The following MCUB variants were observed in gnomAD, a reference collection of about 807,000 sequenced individuals.
The protein encoded by MCUB is calcium uniporter regulatory subunit MCUb, mitochondrial.
A neutral mutation model predicts 41.4 loss-of-function variants in MCUB; 46 were observed. That is an observed-to-expected ratio of 1.11 (90% CI 0.88 to 1.42). The LOEUF (loss-of-function observed/expected upper bound fraction) is 1.42. MCUB is among the 40% of genes most tolerant of loss of function. The pLI is 0.00. For missense variants in MCUB, 403 were observed against 404.9 expected, an observed-to-expected ratio of 1.00 and a Z score of 0.04; for synonymous variants, 148 against 148.2, an observed-to-expected ratio of 1.00 and a Z score of 0.01.
intron 1 of MCUB, among the ~76,000 whole-genome samples, chr4:109,607,942 G>A (rs1727917163): frequency 6.6e-6 from 1 of 152,012 alleles, no homozygotes; most frequent in South Asian, 2.1e-4. Flanking sequence ...TCCTAGGTTT[G>A]GGAAGTTCTC....
intron 1 of MCUB, among the ~76,000 whole-genome samples, chr4:109,579,551 A>G (rs1339462366): frequency 1.3e-5 from 2 of 152,186 alleles, no homozygotes; most frequent in Non-Finnish European, 2.9e-5. Flanking sequence ...ACCACCACAT[A>G]GCATTAGGCA....
At chr4:109,674,143 G>T (rs548410660) in intron 4 of MCUB, 11 of 1,240,676 alleles carry the variant, frequency 8.9e-6, no homozygotes, top group Non-Finnish European at 1.2e-5. Context: ...ATGCTGCCTT[G>T]TTGGAGGAGC....
intron 1 of MCUB, among the ~76,000 whole-genome samples, chr4:109,593,426 G>T (rs1727484618): frequency 1.3e-5 from 2 of 152,158 alleles, no homozygotes; most frequent in Admixed American, 1.3e-4. Flanking sequence ...ACTTGATGCA[G>T]CCCTGTTGCC....
At chr4:109,569,321 C>T (rs974837141) in intron 1 of MCUB, among the ~76,000 whole-genome samples, 2 of 152,138 alleles carry the variant, frequency 1.3e-5, no homozygotes, top group Non-Finnish European at 2.9e-5. Flanking sequence ...GCTGAGATTA[C>T]AGGCGTTAGC....
rs941688246 is a variant in MCUB at position 109,669,487 on chromosome 4, G to A, written c.451+5093G>A. 2.6e-5 allele frequency among the ~76,000 whole-genome samples: 4 copies of A among 151,748 alleles called. No homozygotes were observed. The East Asian group carries it at 5.8e-4, about 22-fold the overall frequency. ...TTTCTGCAGTTTGAAAATGATATACGTATGTGTAGTTTTCTCTTGGCATTT... is the reference window on the plus strand; with the variant it reads ...TTTCTGCAGTTTGAAAATGATATACATATGTGTAGTTTTCTCTTGGCATTT... On this transcript the variant is annotated intron_variant, in intron 4 of 7. Coordinates refer to ENST00000394650, the MANE Select transcript of MCUB (RefSeq NM_017918.5).
intron 1 of MCUB, among the ~76,000 whole-genome samples, chr4:109,603,797 G>A (rs901387315): frequency 2.3e-4 from 35 of 150,958 alleles, no homozygotes; most frequent in Admixed American, 2.0e-4. Context: ...CAGCCTCCCC[G>A]TCTGGGAGGT....
At chr4:109,619,399 T>C (rs1255946608) in intron 1 of MCUB, among the ~76,000 whole-genome samples, 1 of 152,124 alleles carries the variant, frequency 6.6e-6, no homozygotes, top group Non-Finnish European at 1.5e-5. Context: ...CTTTCTATGA[T>C]GTGTTGCTCT....
chr4:109,606,414 G>T (rs1727872240), intron 1 of MCUB, among the ~76,000 whole-genome samples: 1 of 151,970 alleles, frequency 6.6e-6, no homozygotes, highest in Non-Finnish European at 1.5e-5. Flanking sequence ...TGGTTGTTTT[G>T]TGGTTTTCTC....
chr4:109,572,830 G>A (rs1408169494), intron 1 of MCUB, among the ~76,000 whole-genome samples: 2 of 152,000 alleles, frequency 1.3e-5, no homozygotes, highest in Non-Finnish European at 1.5e-5. Context: ...TTTATATAAT[G>A]AAATGGCTAG....
intron 1 of MCUB, among the ~76,000 whole-genome samples, chr4:109,607,538 G>A (rs1466651193): frequency 6.6e-6 from 1 of 152,166 alleles, no homozygotes; most frequent in Non-Finnish European, 1.5e-5. Flanking sequence ...TCAAATTTAA[G>A]AACTCTCTTT....
chr4:109,660,962 G>A (rs1370677548), intron 3 of MCUB, among the ~76,000 whole-genome samples: 1 of 152,142 alleles, frequency 6.6e-6, no homozygotes, highest in Non-Finnish European at 1.5e-5. Context: ...ACAGGCATTA[G>A]CGTGCAATTC....
At chr4:109,575,372 G>T (rs1473449077) in intron 1 of MCUB, among the ~76,000 whole-genome samples, 1 of 152,058 alleles carries the variant, frequency 6.6e-6, no homozygotes, top group Admixed American at 6.5e-5. Context: ...AAGGTCATTG[G>T]GGGTTAGACT....
chr4:109,619,211 G>A (rs986625989), intron 1 of MCUB, among the ~76,000 whole-genome samples: 1 of 152,032 alleles, frequency 6.6e-6, no homozygotes, highest in East Asian at 1.9e-4. Flanking sequence ...GAGTGGCTGG[G>A]ATTATAGGTG....
chr4:109,598,936 ATGT>A (rs1421369283), intron 1 of MCUB, among the ~76,000 whole-genome samples: 4 of 152,186 alleles, frequency 2.6e-5, no homozygotes, highest in African/African-American at 7.2e-5. Flanking sequence ...TATCAGCCAA[ATGT>A]TGTCAGAATA....
chr4:109,600,715 A>C (rs1286979587), intron 1 of MCUB, among the ~76,000 whole-genome samples: 1 of 152,140 alleles, frequency 6.6e-6, no homozygotes. Flanking sequence ...AACAAGATTT[A>C]GTTAGGTTGG....
intron 1 of MCUB, among the ~76,000 whole-genome samples, chr4:109,651,007 GATA>G (rs371970556): frequency 4.6e-4 from 70 of 152,220 alleles, no homozygotes; most frequent in African/African-American, 1.6e-3. Flanking sequence ...CCCCATTACT[GATA>G]ATATTAATTT....
chr4:109,678,665 G>C (rs1269693429), intron 4 of MCUB, among the ~76,000 whole-genome samples: 1 of 143,398 alleles, frequency 7.0e-6, no homozygotes, highest in Non-Finnish European at 1.5e-5. Flanking sequence ...TCACCTCTCA[G>C]ATGGGGCGGC....
chr4:109,651,667 C>T (rs1487751179), intron 1 of MCUB, among the ~76,000 whole-genome samples: 3 of 152,112 alleles, frequency 2.0e-5, no homozygotes, highest in Non-Finnish European at 4.4e-5. Flanking sequence ...ACATTAAAAA[C>T]CATGAATTCA....
intron 1 of MCUB, among the ~76,000 whole-genome samples, chr4:109,587,797 T>C (rs921742448): frequency 2.0e-5 from 3 of 152,138 alleles, no homozygotes; most frequent in African/African-American, 4.8e-5. Flanking sequence ...CTCATAAAAA[T>C]AAGAGATATA....
Sources: gnomAD v4.1 joint callset for allele counts (sites outside exome capture counted in the v4.1 genomes callset) on GRCh38, gnomAD v4.1.1 for gene constraint, MANE v1.5 for transcripts, NCBI Gene and HGNC (gene_info 2026-07-23, HGNC 2026-07-21) for gene names.